Variants in PHF20 observed in about 807,000 individuals in gnomAD.
PHF20 encodes glioma-expressed antigen 2.
Under a neutral mutation model 113.5 loss-of-function variants are expected in PHF20, and 23 were observed. The ratio of observed to expected loss-of-function variants is 0.20; its 90% CI spans 0.15 to 0.29. PHF20 has a LOEUF of 0.29. Ranked by LOEUF, PHF20 falls within the 10% of genes least tolerant of loss-of-function variation. PHF20 has a pLI of 1.00. For missense variants in PHF20, 943 were observed against 1,219.6 expected (o/e 0.77, Z 3.38); for synonymous variants, 434 against 457.3 (o/e 0.95, Z 0.65).
chr20:35,861,248 C>G (rs2054213525), intron 5 of PHF20, among the ~76,000 whole-genome samples: 2 of 150,624 alleles, frequency 1.3e-5, no homozygotes, highest in Non-Finnish European at 2.9e-5. Context: ...AATACGTTTA[C>G]TGTAGAAAAA....
In PHF20 at chr20:35,792,468, C is replaced by T. The variant is rs1029736435; in HGVS notation, c.-32-9023C>T. 1.4e-4 allele frequency among the ~76,000 whole-genome samples: 21 copies of T among 152,228 alleles called. 1 individual carries two copies. Among genetic ancestry groups the T allele is most frequent in the African/African-American group, 3.9e-4 (16 of 41,552 alleles). ...CCTCCCAAAGTGTTGGGATTACAGG[C>T]GTGAGCCACCGTGCCTGGCTTCTTC... On this transcript the variant is annotated intron_variant, in intron 1 of 17. Transcript: ENST00000374012.
intron 2 of PHF20, among the ~76,000 whole-genome samples, chr20:35,819,142 C>T (rs557712623): frequency 2.6e-5 from 4 of 151,894 alleles, no homozygotes; most frequent in African/African-American, 9.7e-5. Flanking sequence ...TGTTGAACAG[C>T]CTGGTCTCGA....
intron 9 of PHF20, among the ~76,000 whole-genome samples, chr20:35,878,041 GCCTA>G (rs2054563372): frequency 6.6e-6 from 1 of 152,144 alleles, no homozygotes; most frequent in African/African-American, 2.4e-5. Context: ...TTAGTGTAAT[GCCTA>G]TAGTATTTTA....
chr20:35,787,095 G>A (rs928012629), intron 1 of PHF20, among the ~76,000 whole-genome samples: 2 of 151,378 alleles, frequency 1.3e-5, no homozygotes, highest in African/African-American at 4.9e-5. Context: ...GGGCTCAAGT[G>A]ATTCTCCAGC....
At chr20:35,936,858 G>A (rs1201679957) in intron 15 of PHF20, among the ~76,000 whole-genome samples, 1 of 152,088 alleles carries the variant, frequency 6.6e-6, no homozygotes, top group Non-Finnish European at 1.5e-5. Flanking sequence ...GATGGTGTTG[G>A]CAAAAAGAGT....
intron 1 of PHF20, among the ~76,000 whole-genome samples, chr20:35,788,119 C>T (rs750025957): frequency 1.3e-5 from 2 of 151,336 alleles, no homozygotes; most frequent in African/African-American, 2.4e-5. Context: ...TTTTTTGAGA[C>T]GGAGTCTTGC....
intron 9 of PHF20, among the ~76,000 whole-genome samples, chr20:35,892,224 ATTTTTTTTTTTT>A (rs780490898): frequency 5.0e-4 from 51 of 102,520 alleles, no homozygotes; most frequent in African/African-American, 4.9e-4. Context: ...CGCCTGGCTG[ATTTTTTTTTTTT>A]TTTTTTTTTT....
chr20:35,894,492 A>T (rs1413143551), intron 9 of PHF20, among the ~76,000 whole-genome samples: 1 of 152,196 alleles, frequency 6.6e-6, no homozygotes, highest in South Asian at 2.1e-4. Context: ...TTTTTGTACT[A>T]TACCATACTG....
chr20:35,820,207 C>T (rs900879530), intron 2 of PHF20, among the ~76,000 whole-genome samples: 2 of 152,100 alleles, frequency 1.3e-5, no homozygotes, highest in African/African-American at 2.4e-5. Flanking sequence ...ACAAAAACCC[C>T]TAGGGGAGAA....
At chr20:35,784,348 G>A (rs1033480484) in intron 1 of PHF20, among the ~76,000 whole-genome samples, 6 of 149,330 alleles carry the variant, frequency 4.0e-5, no homozygotes, top group African/African-American at 9.8e-5. Context: ...CACTGCACCC[G>A]GCCACATTTT....
intron 10 of PHF20, among the ~76,000 whole-genome samples, chr20:35,900,663 C>T (rs1287815643): frequency 2.0e-5 from 3 of 151,902 alleles, no homozygotes; most frequent in Admixed American, 2.0e-4. Flanking sequence ...GGTGAAACCC[C>T]GTCTCTACTA....
At chr20:35,913,179 T>C in intron 10 of PHF20, 70 bp from the exon 11 acceptor site, 1 of 1,117,728 alleles carries the variant, frequency 8.9e-7, no homozygotes, top group Non-Finnish European at 1.3e-6. Flanking sequence ...CATGCTTGCT[T>C]AGGAGAAGAA....
chr20:35,871,856 T>A, intron 9 of PHF20, 27 bp downstream of exon 9: 1 of 1,503,328 alleles, frequency 6.7e-7, no homozygotes, highest in Non-Finnish European at 9.1e-7. Flanking sequence ...AAATTAATCC[T>A]CTTTTTATAT....
intron 10 of PHF20, among the ~76,000 whole-genome samples, chr20:35,910,717 C>T (rs1269899873): frequency 1.3e-5 from 2 of 152,016 alleles, no homozygotes; most frequent in Non-Finnish European, 2.9e-5. Flanking sequence ...CAACCTCTGC[C>T]TCCTGGGCTC....
At chr20:35,774,186 C>G (rs2041125747) in intron 1 of PHF20, among the ~76,000 whole-genome samples, 1 of 151,720 alleles carries the variant, frequency 6.6e-6, no homozygotes, top group Non-Finnish European at 1.5e-5. Flanking sequence ...GGGTTCACGA[C>G]ATTCTCCTGC....
intron 13 of PHF20, among the ~76,000 whole-genome samples, chr20:35,917,916 A>G (rs888719843): frequency 1.3e-5 from 2 of 151,988 alleles, no homozygotes; most frequent in African/African-American, 4.8e-5. Flanking sequence ...GGCAGCTGGG[A>G]CCCGCAAATG....
intron 9 of PHF20, among the ~76,000 whole-genome samples, chr20:35,888,010 C>T (rs1026657672): frequency 4.2e-5 from 6 of 142,700 alleles, no homozygotes; most frequent in Non-Finnish European, 6.0e-5. Flanking sequence ...GACAGAGTTT[C>T]GCTCTTGTTG....
intron 9 of PHF20, among the ~76,000 whole-genome samples, chr20:35,875,124 G>T (rs1475613234): frequency 2.0e-5 from 3 of 151,790 alleles, no homozygotes; most frequent in African/African-American, 7.3e-5. Context: ...TTGGCCAGGG[G>T]TGGTGGCTCA....
intron 13 of PHF20, among the ~76,000 whole-genome samples, chr20:35,918,384 T>C (rs1669172752): frequency 6.6e-6 from 1 of 152,132 alleles, no homozygotes; most frequent in Non-Finnish European, 1.5e-5. Flanking sequence ...ACAAATATTG[T>C]TGGGAAAATA....
Sources: allele counts gnomAD v4.1 joint callset (sites outside exome capture counted in the v4.1 genomes callset), GRCh38; gene constraint gnomAD v4.1.1; transcripts MANE v1.5; gene names NCBI Gene and HGNC (gene_info 2026-07-23, HGNC 2026-07-21).